GLIS1: variants seen among roughly 807,000 people sequenced by gnomAD.
GLIS1 encodes the protein GLIS family zinc finger 1, also known as zinc finger protein GLIS1.
Under a neutral mutation model 63.8 loss-of-function variants are expected in GLIS1, and 24 were observed. The observed-to-expected ratio is 0.38, with a 90% CI of 0.27 to 0.53. The LOEUF is 0.53. Ranked by LOEUF, GLIS1 falls within the 20% of genes least tolerant of loss-of-function variation. The probability of loss-of-function intolerance (pLI) is 0.85; values close to 1 mark genes in which losing one functional copy is unlikely to be tolerated. For missense variants in GLIS1, 1,036 were observed against 1,074.1 expected (o/e 0.96, Z 0.50); for synonymous variants, 450 against 482.5 (o/e 0.93, Z 0.88).
At chr1:53,540,351 C>T (rs568679260) in intron 4 of GLIS1, among the ~76,000 whole-genome samples, 24 of 152,028 alleles carry the variant, frequency 1.6e-4, no homozygotes, top group Middle Eastern at 3.4e-3. Context: ...GTGAATAAAA[C>T]GGTCTCTCCA....
At chr1:53,624,977 T>G (rs942834788) in intron 2 of GLIS1, among the ~76,000 whole-genome samples, 1 of 152,082 alleles carries the variant, frequency 6.6e-6, no homozygotes, top group Non-Finnish European at 1.5e-5. Context: ...CAGGGGGCAA[T>G]AGCAATCCTA....
intron 4 of GLIS1, among the ~76,000 whole-genome samples, chr1:53,533,854 T>C (rs1432761428): frequency 6.6e-6 from 1 of 152,144 alleles, no homozygotes; most frequent in Non-Finnish European, 1.5e-5. Flanking sequence ...TCAGCACCTA[T>C]TGTGTGCTTG....
At chr1:53,694,770 T>C (rs1411204516) in intron 2 of GLIS1, among the ~76,000 whole-genome samples, 1 of 152,134 alleles carries the variant, frequency 6.6e-6, no homozygotes, top group Admixed American at 6.5e-5. Flanking sequence ...CTCACTATCA[T>C]AGTAAATTAA....
chr1:53,526,894 C>T lies in GLIS1; in HGVS notation c.1483-2007G>A, dbSNP rs1557432714. Among the ~76,000 whole-genome samples, 1 of 152,272 alleles carries T rather than the reference C, an allele frequency of 6.6e-6. No homozygotes were observed. The highest frequency in any genetic ancestry group is 1.5e-5 in the Non-Finnish European group (1 of 68,050). On this transcript the variant is annotated intron_variant, in intron 5 of 10. Transcript: ENST00000628545. This position sits in a 1 kb window ranked among gnomAD's most constrained non-coding sequence, Gnocchi z 4.4. ...GTCCCCAGCCAGCAGCCAAGCTCCGCCTGGAATGGCCATGTGGGCTGCAGC... is the reference window on the plus strand; with the variant it reads ...GTCCCCAGCCAGCAGCCAAGCTCCGTCTGGAATGGCCATGTGGGCTGCAGC...
At chr1:53,604,025 A>C (rs1287048473) in intron 2 of GLIS1, among the ~76,000 whole-genome samples, 1 of 152,242 alleles carries the variant, frequency 6.6e-6, no homozygotes, top group Non-Finnish European at 1.5e-5. Flanking sequence ...TCAAGCCTCA[A>C]TGTTCTTATC....
chr1:53,691,182 CT>C (rs1646401148), intron 2 of GLIS1, among the ~76,000 whole-genome samples: 1 of 152,174 alleles, frequency 6.6e-6, no homozygotes, highest in Admixed American at 6.5e-5. Flanking sequence ...CCAGCAAGAC[CT>C]CCATCTCTAC....
chr1:53,559,104 T>C (rs1346061027), intron 4 of GLIS1, among the ~76,000 whole-genome samples: 1 of 152,224 alleles, frequency 6.6e-6, no homozygotes, highest in Non-Finnish European at 1.5e-5. Context: ...GGATGCTTTG[T>C]GGGCCCTGGA....
chr1:53,508,824 T>C (rs1224799881), intron 10 of GLIS1, among the ~76,000 whole-genome samples: 2 of 152,168 alleles, frequency 1.3e-5, no homozygotes, highest in Non-Finnish European at 2.9e-5. Flanking sequence ...ATAAATAAAG[T>C]GAAGCAGTAA....
intron 4 of GLIS1, among the ~76,000 whole-genome samples, chr1:53,565,086 C>T (rs1644925837): frequency 6.6e-6 from 1 of 151,886 alleles, no homozygotes; most frequent in South Asian, 2.1e-4. Flanking sequence ...AAGTCAATCA[C>T]ATAAAGGCAA....
chr1:53,643,176 T>G (rs1396036653), intron 2 of GLIS1, among the ~76,000 whole-genome samples: 2 of 152,218 alleles, frequency 1.3e-5, no homozygotes, highest in Admixed American at 6.5e-5. Flanking sequence ...GCACAAGGAA[T>G]CAAGTATCCA....
chr1:53,568,055 C>A (rs1403259023), intron 4 of GLIS1, among the ~76,000 whole-genome samples: 1 of 152,212 alleles, frequency 6.6e-6, no homozygotes, highest in Non-Finnish European at 1.5e-5. Flanking sequence ...CAGCTTGCAC[C>A]ATGTGCCTGG....
intron 2 of GLIS1, among the ~76,000 whole-genome samples, chr1:53,614,825 CTT>C (rs1460511827): frequency 1.3e-5 from 2 of 151,364 alleles, no homozygotes; most frequent in Non-Finnish European, 2.9e-5. Context: ...CACACATACT[CTT>C]TCACACACAT....
chr1:53,568,008 G>A (rs929978529), intron 4 of GLIS1, among the ~76,000 whole-genome samples: 1 of 152,332 alleles, frequency 6.6e-6, no homozygotes, highest in East Asian at 1.9e-4. Flanking sequence ...TGAGAAGAGG[G>A]CCACAGAATG....
At chr1:53,731,845 C>T (rs538718066) in intron 2 of GLIS1, among the ~76,000 whole-genome samples, 1 of 152,192 alleles carries the variant, frequency 6.6e-6, no homozygotes, top group Admixed American at 6.5e-5. Flanking sequence ...ACAAAAGTGG[C>T]CTCTTCCTAC....
At position 53,594,773 on chromosome 1, in the gene GLIS1, C is replaced by A; in HGVS notation, c.655G>T (p.Glu219Ter). The A allele has an allele frequency of 6.2e-7, 1 of 1,600,044 alleles. No individual in the cohort carries two copies. Among genetic ancestry groups the A allele is most frequent in the Non-Finnish European group, 8.5e-7 (1 of 1,173,530 alleles). ...PAPSCYLLGS[E>*]PSSGLGLQPE... The stretch of plus-strand genomic sequence containing the variant: ...TGGAGGCCCAGGCCAGAGCTGGGTT[C>A]GCTGCCCAGAAGGTAGCAGGAAGGC... Residue 219 changes from glutamate (E) to a stop codon, truncating the protein, a stop_gained, in exon 4 of 11, where the codon GAA becomes TAA. Coordinates refer to ENST00000628545, the MANE Select transcript of GLIS1 (RefSeq NM_001367484.1). LOFTEE classifies it high-confidence loss of function.
intron 4 of GLIS1, among the ~76,000 whole-genome samples, chr1:53,565,021 T>G (rs974536926): frequency 6.6e-6 from 1 of 152,032 alleles, no homozygotes; most frequent in Non-Finnish European, 1.5e-5. Flanking sequence ...AACTGCCATA[T>G]ACAAGACCAA....
intron 4 of GLIS1, among the ~76,000 whole-genome samples, chr1:53,553,744 G>C (rs1287885756): frequency 1.3e-5 from 2 of 152,132 alleles, no homozygotes; most frequent in African/African-American, 4.8e-5. Flanking sequence ...CTTCTCAGGA[G>C]CTACCCCTAA....
At chr1:53,564,515 A>G (rs1032883560) in intron 4 of GLIS1, among the ~76,000 whole-genome samples, 3 of 152,224 alleles carry the variant, frequency 2.0e-5, no homozygotes, top group African/African-American at 7.2e-5. Flanking sequence ...AAAATGGACT[A>G]AATTCTAATT....
At chr1:53,583,133 T>C (rs1645102064) in intron 4 of GLIS1, among the ~76,000 whole-genome samples, 7 of 152,166 alleles carry the variant, frequency 4.6e-5, no homozygotes, top group Admixed American at 4.6e-4. Context: ...GGGAAGATCA[T>C]GGGGCAGAGC....
Sources: gnomAD v4.1 joint callset for allele counts (sites outside exome capture counted in the v4.1 genomes callset) on GRCh38, gnomAD v4.1.1 for gene constraint, Gnocchi (gnomAD v3.1) non-coding constraint, MANE v1.5 for transcripts, NCBI Gene and HGNC (gene_info 2026-07-23, HGNC 2026-07-21) for gene names.